The following RFX3 variants were observed in gnomAD, a reference collection of about 807,000 sequenced individuals.
RFX3 encodes regulatory factor X3, also known as transcription factor RFX3.
RFX3 carries 14 observed loss-of-function variants against 98.6 expected under a neutral mutation model. That is an observed-to-expected ratio of 0.14 (90% CI 0.09 to 0.22). The LOEUF (loss-of-function observed/expected upper bound fraction) is 0.22, where lower values mean the gene tolerates loss of function less well. Among genes scored for constraint, RFX3 ranks in the 10% least tolerant of loss-of-function variants. The pLI is 1.00. For missense variants in RFX3, 639 were observed against 926.9 expected, an observed-to-expected ratio of 0.69 and a Z score of 4.03; for synonymous variants, 383 against 328.4, an observed-to-expected ratio of 1.17 and a Z score of -1.80.
At chr9:3,465,233 A>C (rs1351610356) in intron 1 of RFX3, among the ~76,000 whole-genome samples, 2 of 152,050 alleles carry the variant, frequency 1.3e-5, no homozygotes, top group African/African-American at 4.8e-5. Context: ...CAACCTGCCA[A>C]TCCTTGTTCT....
At position 3,332,065 on chromosome 9, in the gene RFX3, A is replaced by C. The variant is rs921608758; in HGVS notation, c.216-1548T>G. On this transcript the variant is annotated intron_variant, in intron 3 of 16. Transcript: ENST00000617270. Reference sequence around the variant, plus strand: ...TATTGCTTACTCTTCCCTCTGACTGACATGAGTTGCTGAGTCCTGTCAATG... The same window carrying C: ...TATTGCTTACTCTTCCCTCTGACTGCCATGAGTTGCTGAGTCCTGTCAATG... 2.0e-5 allele frequency among the ~76,000 whole-genome samples: 3 copies of C among 152,182 alleles called. No homozygotes were observed. In the East Asian group the frequency reaches 5.8e-4, roughly 29 times the overall value.
In RFX3 at chr9:3,490,183, A is replaced by G. The variant is rs374439211; in HGVS notation, c.-9+35564T>C. On this transcript the variant is annotated intron_variant, in intron 1 of 16. Coordinates refer to ENST00000617270, the MANE Select transcript of RFX3 (RefSeq NM_001282116.2). ...ATGAAAAAAGAAAATTACTATTGAA[A>G]AAATTCAGACATGAGACTCCATATA... 1.0e-4 allele frequency: 33 copies of G among 320,026 alleles called. No homozygotes were observed. The East Asian group carries it at 3.0e-3, about 29-fold the overall frequency. 19.8% of individuals were successfully genotyped at this position (320,026 alleles called of 1,614,324 possible). A position where few individuals can be genotyped will look rare whatever the true frequency, so the allele number is the denominator to read the frequency against.
At chr9:3,493,775 G>C (rs1250195637) in intron 1 of RFX3, among the ~76,000 whole-genome samples, 2 of 147,258 alleles carry the variant, frequency 1.4e-5, no homozygotes, top group South Asian at 2.1e-4. Flanking sequence ...ACTTAGTTAA[G>C]GTCCAAATCC....
intron 4 of RFX3, among the ~76,000 whole-genome samples, chr9:3,326,991 A>G (rs1325474947): frequency 1.3e-5 from 2 of 152,168 alleles, no homozygotes; most frequent in South Asian, 2.1e-4. Context: ...CAGTCATTCT[A>G]TAGGTTATAT....
chr9:3,427,419 TAATAC>T (rs1180915900), intron 1 of RFX3, among the ~76,000 whole-genome samples: 10 of 138,372 alleles, frequency 7.2e-5, no homozygotes, highest in African/African-American at 2.3e-4. Flanking sequence ...TGTTATATAA[TAATAC>T]AATATATAAA....
chr9:3,241,555 A>G (rs1174808413), intron 15 of RFX3, among the ~76,000 whole-genome samples: 2 of 152,150 alleles, frequency 1.3e-5, no homozygotes, highest in African/African-American at 4.8e-5. Context: ...AAATGAACAG[A>G]ATGACAAACC....
At chr9:3,350,318 G>A (rs1274862743) in intron 2 of RFX3, among the ~76,000 whole-genome samples, 1 of 152,098 alleles carries the variant, frequency 6.6e-6, no homozygotes, top group Non-Finnish European at 1.5e-5. Flanking sequence ...CCTTAATACA[G>A]ATGACAAATA....
At chr9:3,486,940 C>T (rs1445844014) in intron 1 of RFX3, among the ~76,000 whole-genome samples, 2 of 152,144 alleles carry the variant, frequency 1.3e-5, no homozygotes, top group African/African-American at 4.8e-5. Context: ...TTATCAAAGA[C>T]TCTAGAATTC....
Position 3,330,412 on chromosome 9 carries a change from G to A in RFX3, c.321C>T (p.Val107=). 1 of 1,614,118 alleles carries A rather than the reference G, an allele frequency of 6.2e-7. No individual in the cohort carries two copies. The highest frequency in any genetic ancestry group is 8.5e-7 in the Non-Finnish European group (1 of 1,179,998). The change falls in exon 4 of 17, where the codon GTC becomes GTT. Residue 107 remains valine (V), a synonymous_variant. Coordinates refer to ENST00000617270, the MANE Select transcript of RFX3 (RefSeq NM_001282116.2). The stretch of plus-strand genomic sequence containing the variant: ...CAGTGCCCACCATACTGTGGGATGA[G>A]ACCACGGTAGTCACCTGGGCGGAAC... The part of the protein sequence containing the change: ...QGSSAQVTTV[V]SSHSMVGTGG...
intron 1 of RFX3, among the ~76,000 whole-genome samples, chr9:3,514,624 T>C (rs973990036): frequency 6.6e-5 from 10 of 152,154 alleles, no homozygotes; most frequent in African/African-American, 2.4e-4. Flanking sequence ...AATTTTTTAA[T>C]TTTTTGTAGA....
At chr9:3,474,901 A>G (rs7021064) in intron 1 of RFX3, among the ~76,000 whole-genome samples, 9,016 of 152,190 alleles carry the variant, frequency 0.059, 900 homozygotes, top group African/African-American at 0.2. Context: ...AGAGTTGAAG[A>G]CCAGCCTGGG....
intron 1 of RFX3, among the ~76,000 whole-genome samples, chr9:3,417,197 C>T (rs1435601699): frequency 2.0e-5 from 3 of 151,814 alleles, no homozygotes; most frequent in South Asian, 4.2e-4. Context: ...CTCCAATATA[C>T]ATAAAACGAA....
At chr9:3,505,281 T>G (rs1564187063) in intron 1 of RFX3, among the ~76,000 whole-genome samples, 1 of 72,934 alleles carries the variant, frequency 1.4e-5, no homozygotes, top group South Asian at 4.9e-4. Flanking sequence ...TATGAATATA[T>G]ACATTTTTAT....
At chr9:3,261,927 T>C (rs778530874) in intron 13 of RFX3, among the ~76,000 whole-genome samples, 8 of 152,222 alleles carry the variant, frequency 5.3e-5, no homozygotes, top group Non-Finnish European at 8.8e-5. Flanking sequence ...TTAATGTGAT[T>C]ATTGGCCATT....
At chr9:3,442,165 A>G (rs1415597296) in intron 1 of RFX3, among the ~76,000 whole-genome samples, 1 of 152,110 alleles carries the variant, frequency 6.6e-6, no homozygotes, top group Non-Finnish European at 1.5e-5. Context: ...ACACCATTGC[A>G]CTCCAGCCTG....
At chr9:3,266,004 T>C (rs1427549018) in intron 12 of RFX3, among the ~76,000 whole-genome samples, 1 of 152,118 alleles carries the variant, frequency 6.6e-6, no homozygotes, top group African/African-American at 2.4e-5. Context: ...CCCTATTCTC[T>C]TTGAAAGGAA....
intron 2 of RFX3, among the ~76,000 whole-genome samples, chr9:3,391,099 T>C (rs1451191904): frequency 6.6e-6 from 1 of 152,176 alleles, no homozygotes; most frequent in African/African-American, 2.4e-5. Flanking sequence ...AATATCATGA[T>C]TTCTATATCC....
At chr9:3,394,425 T>C (rs2131911699) in intron 2 of RFX3, among the ~76,000 whole-genome samples, 1 of 152,164 alleles carries the variant, frequency 6.6e-6, no homozygotes, top group East Asian at 1.9e-4. Context: ...ATGATGCCAC[T>C]GCACTGCAGC....
rs151250799 is a variant in RFX3, at chr9:3,282,299, T to C, written c.852-4838A>G. On this transcript the variant is annotated intron_variant, in intron 7 of 16. Coordinates refer to ENST00000617270, the MANE Select transcript of RFX3 (RefSeq NM_001282116.2). ...TTACACTGAATATACTGATAATATATGCAAATGACTTCTAACATCAACCAT... is the reference window on the plus strand; with the variant it reads ...TTACACTGAATATACTGATAATATACGCAAATGACTTCTAACATCAACCAT... Among the ~76,000 whole-genome samples, 33 of 151,964 alleles carry C rather than the reference T, an allele frequency of 2.2e-4. 1 individual carries two copies. The East Asian group carries it at 3.9e-3, about 18-fold the overall frequency.
Sources: allele counts gnomAD v4.1 joint callset (sites outside exome capture counted in the v4.1 genomes callset), GRCh38; gene constraint gnomAD v4.1.1; transcripts MANE v1.5; gene names NCBI Gene and HGNC (gene_info 2026-07-23, HGNC 2026-07-21).